HECW1: variants seen among roughly 807,000 people sequenced by gnomAD.
The protein encoded by HECW1 is E3 ubiquitin-protein ligase HECW1.
In HECW1, 61 loss-of-function variants were observed where a neutral mutation model predicts 182.3. The observed-to-expected ratio is 0.33, with a 90% CI of 0.27 to 0.41. HECW1 has a LOEUF of 0.41. Among genes scored for constraint, HECW1 ranks in the 10% least tolerant of loss-of-function variants. HECW1 has a pLI of 1.00. For synonymous variants in HECW1, 859 were observed against 832.6 expected (o/e 1.03, Z -0.55); for missense variants, 1,739 against 2,108.9 (o/e 0.82, Z 3.44).
intron 28 of HECW1, among the ~76,000 whole-genome samples, chr7:43,552,939 C>T (rs1376011178): frequency 2.0e-5 from 3 of 152,248 alleles, no homozygotes; most frequent in South Asian, 2.1e-4. Flanking sequence ...TGGCTTAACT[C>T]GATGTAGAGG....
chr7:43,132,788 GTTCCTTCC>G (rs1016496940), intron 2 of HECW1, among the ~76,000 whole-genome samples: 2 of 151,754 alleles, frequency 1.3e-5, no homozygotes, highest in Non-Finnish European at 2.9e-5. Context: ...CCCTTCCTCT[GTTCCTTCC>G]TTCCTTCCTC....
chr7:43,532,104 G>A (rs552899926), intron 24 of HECW1, among the ~76,000 whole-genome samples: 91 of 152,176 alleles, frequency 6.0e-4, no homozygotes, highest in Non-Finnish European at 1.1e-3. Context: ...CCTCCTCCAA[G>A]CCCTGTTCTG....
intron 3 of HECW1, among the ~76,000 whole-genome samples, chr7:43,294,693 G>A (rs1000384690): frequency 1.3e-5 from 2 of 152,172 alleles, no homozygotes; most frequent in Non-Finnish European, 2.9e-5. Context: ...GGTCAGGATT[G>A]TGCAGCAGGT....
chr7:43,385,887 G>T (rs1402241761), intron 6 of HECW1, among the ~76,000 whole-genome samples: 1 of 152,224 alleles, frequency 6.6e-6, no homozygotes, highest in African/African-American at 2.4e-5. Context: ...TGGATTCTCT[G>T]CTCAGTCTAT....
At chr7:43,227,324 G>A (rs1202471129) in intron 2 of HECW1, among the ~76,000 whole-genome samples, 1 of 152,074 alleles carries the variant, frequency 6.6e-6, no homozygotes, top group Non-Finnish European at 1.5e-5. Flanking sequence ...CCTGTAAAGT[G>A]TAAGGAAAAT....
intron 3 of HECW1, among the ~76,000 whole-genome samples, chr7:43,308,297 TTATATGATATATTTATATATTATATG>T (rs1808027479): frequency 7.9e-6 from 1 of 126,504 alleles, no homozygotes; most frequent in East Asian, 2.1e-4. Context: ...TTTATATATA[TTATATGATATATTTATATATTATATG>T]ATATATTTAT....
chr7:43,301,935 A>G (rs1806859345), intron 3 of HECW1, among the ~76,000 whole-genome samples: 1 of 152,062 alleles, frequency 6.6e-6, no homozygotes, highest in African/African-American at 2.4e-5. Flanking sequence ...TTAAAAATAA[A>G]CCCAAAGATG....
At chr7:43,465,935 GAAGA>G (rs1479753380) in intron 14 of HECW1, among the ~76,000 whole-genome samples, 1 of 144,300 alleles carries the variant, frequency 6.9e-6, no homozygotes. Flanking sequence ...AAGAAGAAAG[GAAGA>G]AAGGAAGAAA....
intron 4 of HECW1, among the ~76,000 whole-genome samples, chr7:43,315,296 T>C (rs10266995): frequency 0.15 from 23,358 of 151,922 alleles, 5,815 homozygotes; most frequent in African/African-American, 0.53. Context: ...AGAAACAATA[T>C]GAAGGAAAGG....
intron 5 of HECW1, among the ~76,000 whole-genome samples, chr7:43,324,407 AT>A (rs1330863999): frequency 6.6e-6 from 1 of 152,226 alleles, no homozygotes; most frequent in Non-Finnish European, 1.5e-5. Flanking sequence ...AAAATTGTAT[AT>A]AAGATGCTAT....
At chr7:43,198,074 T>C (rs1291574720) in intron 2 of HECW1, among the ~76,000 whole-genome samples, 1 of 139,210 alleles carries the variant, frequency 7.2e-6, no homozygotes, top group Non-Finnish European at 1.6e-5. Context: ...ACACACACTC[T>C]CTTACACACC....
At chr7:43,288,716 G>A (rs1443239528) in intron 3 of HECW1, among the ~76,000 whole-genome samples, 1 of 152,152 alleles carries the variant, frequency 6.6e-6, no homozygotes. Flanking sequence ...CAAAGGTTTT[G>A]TTGTCATTAT....
chr7:43,184,283 G>T (rs561498732), intron 2 of HECW1, among the ~76,000 whole-genome samples: 14 of 152,306 alleles, frequency 9.2e-5, no homozygotes, highest in Non-Finnish European at 1.9e-4. Flanking sequence ...AAAGTGCTGG[G>T]ATTACAGGCG....
chr7:43,415,218 G>T (rs2075951284), intron 8 of HECW1, among the ~76,000 whole-genome samples: 1 of 149,940 alleles, frequency 6.7e-6, no homozygotes, highest in Non-Finnish European at 1.5e-5. Context: ...TTTTAGGGCA[G>T]GCCTGGTGGT....
rs746872153 is a variant in HECW1, at chr7:43,554,835, C to A, written c.4709+45C>A. ...CTTCGGGGAAACCTGCTGAAGAGGG[C>A]AAAGTATACTTTGCTATTTGATTTT... On this transcript the variant is annotated intron_variant, in intron 29 of 29. Transcript: ENST00000395891. The A allele has an allele frequency of 3.9e-6, 6 of 1,536,896 alleles. No homozygotes were observed. In the Admixed American group the frequency reaches 5.4e-5, roughly 14 times the overall value.
chr7:43,142,723 G>A lies in HECW1; in HGVS notation c.-32+28332G>A, dbSNP rs192725819. Among the ~76,000 whole-genome samples the A allele has an allele frequency of 2.8e-3, 426 of 152,320 alleles. 1 individual carries two copies. The highest frequency in any genetic ancestry group is 9.8e-3 in the African/African-American group (407 of 41,562). ...CAACAGTTCCTGGAGGATCTAGCAT[G>A]TATACACATTGGTTCTTTTAGCACT... On this transcript the variant is annotated intron_variant, in intron 2 of 29. Transcript: ENST00000395891.
intron 3 of HECW1, among the ~76,000 whole-genome samples, chr7:43,250,576 G>A (rs1799923556): frequency 6.6e-6 from 1 of 152,124 alleles, no homozygotes; most frequent in Non-Finnish European, 1.5e-5. Context: ...GGAAGGTGGA[G>A]AAGAGAGCGC....
At chr7:43,462,854 C>T (rs375845980) in intron 13 of HECW1, among the ~76,000 whole-genome samples, 2 of 152,374 alleles carry the variant, frequency 1.3e-5, no homozygotes, top group African/African-American at 4.8e-5. Flanking sequence ...ACTCCAGCTT[C>T]ACAATTTACA....
Position 43,541,012 on chromosome 7 carries a change from C to A in HECW1, c.4020-151C>A, listed in dbSNP as rs1305817881. 17 of 661,300 alleles carry A rather than the reference C, an allele frequency of 2.6e-5. No individual in the cohort carries two copies. The East Asian group carries it at 4.1e-4, about 16-fold the overall frequency. The allele number at this position is 661,300 out of a possible 1,614,324, so 41.0% of individuals were successfully genotyped here. A position where few individuals can be genotyped will look rare whatever the true frequency, so the allele number is the denominator to read the frequency against. ...GATTGTTCATGGTAAAGCAAAAGGA[C>A]AAGAACAGGTGCCTCCCTTGTGTCA... On this transcript the variant is annotated intron_variant, in intron 24 of 29. Transcript: ENST00000395891.
Sources: allele counts gnomAD v4.1 joint callset (sites outside exome capture counted in the v4.1 genomes callset), GRCh38; gene constraint gnomAD v4.1.1; transcripts MANE v1.5; gene names NCBI Gene and HGNC (gene_info 2026-07-23, HGNC 2026-07-21).